Variants in BRAT1 observed in about 807,000 individuals in gnomAD.
BRAT1 encodes the protein integrator complex assembly factor BRAT1.
BRAT1 carries 74 observed loss-of-function variants against 70.6 expected under a neutral mutation model. That is an observed-to-expected ratio of 1.05 (90% CI 0.87 to 1.27). The LOEUF is 1.27. Among genes scored for constraint, BRAT1 ranks in the 50% most tolerant of loss-of-function variants. The pLI is 0.00. For missense variants in BRAT1, 1,203 were observed against 1,098.2 expected, an observed-to-expected ratio of 1.10 and a Z score of -1.35; for synonymous variants, 615 against 517.1, an observed-to-expected ratio of 1.19 and a Z score of -2.57.
intron 3 of BRAT1, 136 bp from the exon 4 acceptor site, chr7:2,545,192 C>A: frequency 1.0e-6 from 1 of 988,696 alleles, no homozygotes; most frequent in Non-Finnish European, 1.4e-6. Flanking sequence ...GGTGAAACCC[C>A]ATCTCTACTA....
At chr7:2,539,000 G>A (rs539959336) in intron 13 of BRAT1, 179 bp downstream of exon 13, 357 of 1,435,238 alleles carry the variant, frequency 2.5e-4, no homozygotes, top group African/African-American at 2.3e-3. Context: ...GACAGAAGGC[G>A]AAGCGCACAG....
intron 3 of BRAT1, among the ~76,000 whole-genome samples, chr7:2,546,539 A>G (rs1779621345): frequency 6.6e-6 from 1 of 152,168 alleles, no homozygotes; most frequent in African/African-American, 2.4e-5. Flanking sequence ...GTTCGTGATC[A>G]GCCTGGCCAA....
At chr7:2,545,960 G>A (rs887256472) in intron 3 of BRAT1, among the ~76,000 whole-genome samples, 2 of 152,352 alleles carry the variant, frequency 1.3e-5, no homozygotes, top group African/African-American at 2.4e-5. Context: ...GCAAGCTAAC[G>A]GTACTGGATG....
rs6946899 is a variant in BRAT1 at position 2,547,698 on chromosome 7, C to T, written c.128-220G>A. On this transcript the variant is annotated intron_variant, in intron 2 of 13. Coordinates refer to ENST00000340611, the MANE Select transcript of BRAT1 (RefSeq NM_152743.4). ...CAACACCTTAACAACAGGTGAAAGG[C>T]GGAACACTGTCACCTTTCACAACAG... Among the ~76,000 whole-genome samples, 4,917 of 152,250 alleles carry T rather than the reference C, an allele frequency of 0.032. 289 individuals carry two copies. Among genetic ancestry groups the T allele is most frequent in the African/African-American group, 0.11 (4,667 of 41,516 alleles).
At chr7:2,545,090 G>T (rs773409884) in intron 3 of BRAT1, 34 bp from the exon 4 acceptor site, 1 of 1,461,430 alleles carries the variant, frequency 6.8e-7, no homozygotes, top group Non-Finnish European at 9.1e-7. Flanking sequence ...GGGTGGCCAG[G>T]CGCAGTGGCT....
intron 6 of BRAT1, chr7:2,542,875 C>G (rs1044506459): frequency 5.2e-6 from 1 of 193,696 alleles, no homozygotes; most frequent in Non-Finnish European, 1.1e-5. Context: ...GCTCCGAAAC[C>G]CCCAACCAAA....
chr7:2,553,955 C>T (rs1780224205), intron 2 of BRAT1, among the ~76,000 whole-genome samples: 1 of 152,104 alleles, frequency 6.6e-6, no homozygotes, highest in Non-Finnish European at 1.5e-5. Flanking sequence ...CCCCTACTTT[C>T]ATAATCAGAA....
chr7:2,546,146 A>G (rs545820379), intron 3 of BRAT1, among the ~76,000 whole-genome samples: 1 of 152,222 alleles, frequency 6.6e-6, no homozygotes, highest in African/African-American at 2.4e-5. Flanking sequence ...ATGCCTTGCT[A>G]TGTAGAAATT....
At position 2,544,980 on chromosome 7, in the gene BRAT1, C is replaced by T. The variant is rs1167444191; in HGVS notation, c.359G>A (p.Arg120His). The part of the protein sequence containing the change: ...GRATWAVPTV[R>H]SGWIQGLRSL... ...GCGCAGGCCCTGGATCCAGCCGCTGCGCACGGTGGGGACGGCCCAGGTTGC... is the reference window on the plus strand; with the variant it reads ...GCGCAGGCCCTGGATCCAGCCGCTGTGCACGGTGGGGACGGCCCAGGTTGC... The change falls in exon 4 of 14, where the codon CGC (arginine) becomes CAC (histidine). Residue 120 changes from arginine (R) to histidine (H), a missense_variant. Arg to His is a conservative substitution (Grantham distance 29). Transcript: ENST00000340611. 6 of 1,567,928 alleles carry T rather than the reference C, an allele frequency of 3.8e-6. No homozygotes were observed. The highest frequency in any genetic ancestry group is 1.4e-5 in the African/African-American group (1 of 74,042).
chr7:2,552,778 G>A (rs1237496078), intron 2 of BRAT1, among the ~76,000 whole-genome samples: 5 of 150,514 alleles, frequency 3.3e-5, no homozygotes, highest in African/African-American at 9.8e-5. Context: ...TCGCTCTGTC[G>A]CCCAGGCTGC....
In BRAT1 at chr7:2,541,806, G is replaced by T. The variant is rs112658000; in HGVS notation, c.1046C>A (p.Thr349Lys). ...GLLDGTADDA[T>K]TVDTLLASKS... ...GGAGGCCAGGAGTGTGTCCACCGTC[G>T]TGGCATCGTCTGCCGTCCCGTCCAG... Residue 349 changes from threonine to lysine, a missense_variant, in exon 8 of 14, where the codon ACG becomes AAG. Coordinates refer to ENST00000340611, the MANE Select transcript of BRAT1 (RefSeq NM_152743.4). 6.2e-7 allele frequency: 1 copy of T among 1,612,834 alleles called. No individual in the cohort carries two copies. The highest frequency in any genetic ancestry group is 1.3e-5 in the African/African-American group (1 of 75,028).
At chr7:2,545,300 G>A (rs1458761478) in intron 3 of BRAT1, among the ~76,000 whole-genome samples, 5 of 142,094 alleles carry the variant, frequency 3.5e-5, no homozygotes, top group Non-Finnish European at 7.5e-5. Flanking sequence ...GGAGGCGAAG[G>A]TTGCAGTGAG....
chr7:2,544,057 G>A, intron 4 of BRAT1, 95 bp from the exon 5 acceptor site: 3 of 997,910 alleles, frequency 3.0e-6, no homozygotes, highest in Non-Finnish European at 4.1e-6. Flanking sequence ...AATAGCAGAG[G>A]GCCCCCCAAG....
At chr7:2,549,433 C>A (rs565486287) in intron 2 of BRAT1, among the ~76,000 whole-genome samples, 15 of 152,020 alleles carry the variant, frequency 9.9e-5, no homozygotes, top group Non-Finnish European at 2.2e-4. Context: ...GCCGTGATTA[C>A]ACCACTGTCC....
At position 2,541,023 on chromosome 7, in the gene BRAT1, C is replaced by T. The variant is rs138276986; in HGVS notation, c.1351G>A (p.Ala451Thr). ...GPQELVTQAL[A>T]VLLECLESPG... is the part of the protein sequence containing the mutation. ...CTCTCGAGGCACTCCAGGAGGACAG[C>T]AAGCGCCTGCGTCACCAGCTCCTGG... Residue 451 changes from alanine (A) to threonine (T), a missense_variant, in exon 10 of 14, where the codon GCT (alanine) becomes ACT (threonine). Physicochemically the swap from Ala to Thr is moderately conservative, Grantham distance 58 (BLOSUM62 0). Transcript: ENST00000340611. The T allele has an allele frequency of 4.5e-6, 7 of 1,566,948 alleles. No homozygotes were observed. In the African/African-American group the frequency reaches 9.8e-5, roughly 22 times the overall value.
chr7:2,541,935 C>A, intron 7 of BRAT1, 99 bp from the exon 8 acceptor site: 1 of 1,369,866 alleles, frequency 7.3e-7, no homozygotes, highest in East Asian at 2.3e-5. Context: ...AGGCCAGGAC[C>A]TAGGTGCAGA....
Position 2,539,871 on chromosome 7 carries a change from G to T in BRAT1, c.1413C>A (p.Phe471Leu). Residue 471 changes from phenylalanine to leucine, a missense_variant, in exon 11 of 14, where the codon TTC becomes TTA. By Grantham distance (22) the Phe-to-Leu change is conservative (BLOSUM62 0). Transcript: ENST00000340611. ...GSSPTVLKKAFQATLRWLLSS... is the reference protein window; with the variant it reads ...GSSPTVLKKALQATLRWLLSS... The stretch of plus-strand genomic sequence containing the variant: ...TCAGGAGCCACCTGAGCGTGGCCTG[G>T]AAGGCCTTCTTCAGAACCTGGAGCA... The T allele has an allele frequency of 1.9e-6, 3 of 1,579,474 alleles. No individual in the cohort carries two copies. Among genetic ancestry groups the T allele is most frequent in the African/African-American group, 1.4e-5 (1 of 73,716 alleles).
intron 2 of BRAT1, among the ~76,000 whole-genome samples, chr7:2,549,020 A>T (rs949870835): frequency 5.9e-5 from 9 of 152,204 alleles, no homozygotes; most frequent in Non-Finnish European, 1.3e-4. Flanking sequence ...AATCTAAAAA[A>T]TCATTGTTGA....
chr7:2,541,679 G>A, intron 8 of BRAT1, 39 bp downstream of exon 8: 1 of 1,572,902 alleles, frequency 6.4e-7, no homozygotes, highest in Non-Finnish European at 8.6e-7. Context: ...CCGCCAGCGT[G>A]GATGCTGCTG....
Sources: gnomAD v4.1 joint callset for allele counts (sites outside exome capture counted in the v4.1 genomes callset) on GRCh38, gnomAD v4.1.1 for gene constraint, MANE v1.5 for transcripts, NCBI Gene and HGNC (gene_info 2026-07-23, HGNC 2026-07-21) for gene names.